BNC2: variants seen among roughly 807,000 people sequenced by gnomAD.
BNC2 encodes the protein basonuclin zinc finger protein 2.
A neutral mutation model predicts 76.3 loss-of-function variants in BNC2; 20 were observed. The ratio of observed to expected loss-of-function variants is 0.26; its 90% CI spans 0.18 to 0.38. The LOEUF (loss-of-function observed/expected upper bound fraction) is 0.38, where lower values mean the gene tolerates loss of function less well. BNC2 is among the 10% of genes least tolerant of loss of function. BNC2 has a pLI of 1.00. For synonymous variants in BNC2, 582 were observed against 514.8 expected (o/e 1.13, Z -1.77); for missense variants, 1,382 against 1,399.8 (o/e 0.99, Z 0.20).
At chr9:16,724,540 G>A (rs1008077231) in intron 3 of BNC2, among the ~76,000 whole-genome samples, 1 of 151,992 alleles carries the variant, frequency 6.6e-6, no homozygotes, top group Non-Finnish European at 1.5e-5. Flanking sequence ...AATCATACTT[G>A]AGTATAGAAG....
chr9:16,594,530 A>G (rs1820014385), intron 3 of BNC2, among the ~76,000 whole-genome samples: 2 of 152,146 alleles, frequency 1.3e-5, no homozygotes, highest in African/African-American at 4.8e-5. Flanking sequence ...TAGGTTTGTG[A>G]TAAAATTTAC....
chr9:16,469,754 T>C (rs564739093), intron 5 of BNC2, among the ~76,000 whole-genome samples: 1 of 152,278 alleles, frequency 6.6e-6, no homozygotes, highest in African/African-American at 2.4e-5. Context: ...CCCAAAATGC[T>C]GATAGCAATA....
chr9:16,595,911 T>C (rs139933808), intron 3 of BNC2, among the ~76,000 whole-genome samples: 1 of 152,188 alleles, frequency 6.6e-6, no homozygotes, highest in East Asian at 1.9e-4. Flanking sequence ...AAAAGTCTTC[T>C]AGAACAACGT....
chr9:16,450,478 G>T (rs1250909842), intron 5 of BNC2, among the ~76,000 whole-genome samples: 1 of 152,306 alleles, frequency 6.6e-6, no homozygotes, highest in African/African-American at 2.4e-5. Context: ...TATTCAAAAT[G>T]CTTCCACTAT....
chr9:16,454,579 C>T (rs529213341), intron 5 of BNC2, among the ~76,000 whole-genome samples: 1 of 152,342 alleles, frequency 6.6e-6, no homozygotes, highest in Admixed American at 6.5e-5. Flanking sequence ...GCTGGGATTA[C>T]AGGCGTGAGC....
At chr9:16,736,484 T>C (rs1824673372) in intron 2 of BNC2, among the ~76,000 whole-genome samples, 1 of 150,472 alleles carries the variant, frequency 6.6e-6, no homozygotes, top group Non-Finnish European at 1.5e-5. Context: ...TATTTCTTTT[T>C]TTTTTTTTTG....
intron 1 of BNC2, among the ~76,000 whole-genome samples, chr9:16,864,558 C>T (rs1357350453): frequency 3.9e-5 from 6 of 152,150 alleles, no homozygotes; most frequent in Non-Finnish European, 5.9e-5. Flanking sequence ...AGCAAAATTC[C>T]TTCACAAACT....
intron 3 of BNC2, among the ~76,000 whole-genome samples, chr9:16,647,171 C>G (rs1821653237): frequency 6.6e-6 from 1 of 152,132 alleles, no homozygotes; most frequent in Non-Finnish European, 1.5e-5. Context: ...GTCTATCAGC[C>G]CTTCTTTGTT....
chr9:16,491,270 G>C (rs1333929302), intron 5 of BNC2, among the ~76,000 whole-genome samples: 4 of 152,164 alleles, frequency 2.6e-5, no homozygotes, highest in African/African-American at 7.2e-5. Context: ...CAGCTTTAAG[G>C]ATACAAATGG....
rs968210346 is a variant in BNC2, at chr9:16,527,476, G to A, written c.669+25054C>T. Among the ~76,000 whole-genome samples the A allele has an allele frequency of 9.9e-5, 15 of 152,084 alleles. No homozygotes were observed. The East Asian group carries it at 1.4e-3, about 14-fold the overall frequency. On this transcript the variant is annotated intron_variant, in intron 5 of 6. Transcript: ENST00000380672. Reference sequence around the variant, plus strand: ...TAATGCCACCTTTATCAAACTGTACGAAGTGTTCAGCTGCCTGCTTGTGAA... The same window carrying A: ...TAATGCCACCTTTATCAAACTGTACAAAGTGTTCAGCTGCCTGCTTGTGAA...
chr9:16,590,820 C>A (rs1205936125), intron 3 of BNC2, among the ~76,000 whole-genome samples: 2 of 152,004 alleles, frequency 1.3e-5, no homozygotes, highest in Admixed American at 6.6e-5. Flanking sequence ...CACACACACA[C>A]AAAAGACGTC....
chr9:16,680,861 T>C (rs1379763218), intron 3 of BNC2, among the ~76,000 whole-genome samples: 1 of 152,318 alleles, frequency 6.6e-6, no homozygotes, highest in East Asian at 1.9e-4. Flanking sequence ...GTACTTTCTC[T>C]TTTTTAAGCT....
At chr9:16,845,513 A>C (rs1361306883) in intron 1 of BNC2, among the ~76,000 whole-genome samples, 1 of 152,124 alleles carries the variant, frequency 6.6e-6, no homozygotes, top group South Asian at 2.1e-4. Context: ...CAAGGTCAGG[A>C]GATCGAGACC....
chr9:16,599,772 G>A (rs1364970302), intron 3 of BNC2, among the ~76,000 whole-genome samples: 1 of 152,130 alleles, frequency 6.6e-6, no homozygotes, highest in African/African-American at 2.4e-5. Context: ...GAAAGAGCGA[G>A]TCTCCATGTC....
intron 5 of BNC2, among the ~76,000 whole-genome samples, chr9:16,439,054 G>A (rs1281200325): frequency 1.3e-5 from 2 of 152,090 alleles, no homozygotes; most frequent in Non-Finnish European, 2.9e-5. Context: ...AGATCTGATG[G>A]TTTATAAAGG....
chr9:16,856,336 G>A (rs1364892389), intron 1 of BNC2, among the ~76,000 whole-genome samples: 1 of 151,514 alleles, frequency 6.6e-6, no homozygotes, highest in Admixed American at 6.6e-5. Context: ...ACTGTCCTTT[G>A]TACACAAATA....
intron 6 of BNC2, 23 bp from the exon 7 acceptor site, chr9:16,419,672 G>A (rs775143075): frequency 5.0e-6 from 3 of 604,214 alleles, no homozygotes; most frequent in Non-Finnish European, 8.5e-6. Context: ...GAGGGAAGGG[G>A]GGGTACGTGG....
At chr9:16,514,644 T>G (rs1178719423) in intron 5 of BNC2, among the ~76,000 whole-genome samples, 3 of 152,240 alleles carry the variant, frequency 2.0e-5, no homozygotes, top group African/African-American at 7.2e-5. Context: ...ATTTCAGTTG[T>G]CCTCCCACCA....
At chr9:16,839,528 C>A (rs971468802) in intron 1 of BNC2, among the ~76,000 whole-genome samples, 12 of 152,132 alleles carry the variant, frequency 7.9e-5, no homozygotes, top group African/African-American at 2.7e-4. Flanking sequence ...CTGAAAGGAC[C>A]TACTATGTTT....
Sources: allele counts gnomAD v4.1 joint callset (sites outside exome capture counted in the v4.1 genomes callset), GRCh38; gene constraint gnomAD v4.1.1; transcripts MANE v1.5; gene names NCBI Gene and HGNC (gene_info 2026-07-23, HGNC 2026-07-21).